Variants in TMEM62 observed in about 807,000 individuals in gnomAD.
TMEM62 encodes the protein transmembrane protein 62.
In TMEM62, 41 loss-of-function variants were observed where a neutral mutation model predicts 70.4. The observed-to-expected ratio is 0.58, with a 90% CI of 0.45 to 0.76. The LOEUF is 0.76. Ranked by LOEUF, TMEM62 falls within the 30% of genes least tolerant of loss-of-function variation. The pLI is 0.00. For synonymous variants in TMEM62, 268 were observed against 291.0 expected, an observed-to-expected ratio of 0.92 and a Z score of 0.80; for missense variants, 688 against 788.5, an observed-to-expected ratio of 0.87 and a Z score of 1.53.
At chr15:43,159,889 T>TA (rs1028520787) in intron 9 of TMEM62, among the ~76,000 whole-genome samples, 3 of 152,118 alleles carry the variant, frequency 2.0e-5, no homozygotes, top group South Asian at 4.1e-4. Flanking sequence ...CAGAGGGAAA[T>TA]AAAAAAATTT....
chr15:43,183,516 C>T (rs1180661759), intron 13 of TMEM62, among the ~76,000 whole-genome samples: 1 of 152,216 alleles, frequency 6.6e-6, no homozygotes, highest in Non-Finnish European at 1.5e-5. Flanking sequence ...TTCCTTCTGC[C>T]TAGAATGCAC....
intron 4 of TMEM62, among the ~76,000 whole-genome samples, chr15:43,140,458 G>C (rs781443674): frequency 6.6e-6 from 1 of 152,058 alleles, no homozygotes; most frequent in Non-Finnish European, 1.5e-5. Context: ...GTCACATTGG[G>C]GTCCCCAAAG....
intron 13 of TMEM62, among the ~76,000 whole-genome samples, chr15:43,181,799 G>A (rs1185569798): frequency 1.3e-5 from 2 of 152,236 alleles, no homozygotes; most frequent in African/African-American, 4.8e-5. Flanking sequence ...ACCATGCCTA[G>A]CCTAAAATAC....
intron 3 of TMEM62, 135 bp from the exon 4 acceptor site, chr15:43,138,439 G>A: frequency 1.5e-6 from 1 of 683,558 alleles, no homozygotes; most frequent in Non-Finnish European, 2.5e-6. Context: ...ATAATAAATG[G>A]AACGGCTCTA....
chr15:43,157,952 T>G (rs1402894229), intron 9 of TMEM62, among the ~76,000 whole-genome samples: 4 of 152,210 alleles, frequency 2.6e-5, no homozygotes, highest in Admixed American at 2.6e-4. Flanking sequence ...ACTTGTCTCT[T>G]TCATCTCTTT....
rs1193482521 is a variant in TMEM62, at chr15:43,133,912, G to T, written c.110G>T (p.Arg37Leu). ...GCGGGCCAGCCCTCGCCGCTGCCGC[G>T]CCCCGCGCCCCCCAGGAGGCCGCAC... ...GLAGQPSPLP[R>L]PAPPRRPHPA... Residue 37 changes from arginine to leucine, a missense_variant, in exon 1 of 14, where the codon CGC becomes CTC. Physicochemically the swap from Arg to Leu is moderately radical, Grantham distance 102. Coordinates refer to ENST00000260403, the MANE Select transcript of TMEM62 (RefSeq NM_024956.4). 3.3e-6 allele frequency: 5 copies of T among 1,493,810 alleles called. 1 individual carries two copies. In the South Asian group the frequency reaches 3.8e-5, roughly 11 times the overall value. 92.5% of individuals were successfully genotyped at this position (1,493,810 alleles called of 1,614,324 possible). A position where few individuals can be genotyped will look rare whatever the true frequency, so the allele number is the denominator to read the frequency against.
chr15:43,139,120 G>A (rs1230383771), intron 4 of TMEM62, among the ~76,000 whole-genome samples: 2 of 152,152 alleles, frequency 1.3e-5, no homozygotes, highest in Non-Finnish European at 2.9e-5. Flanking sequence ...TCCTGTCTCT[G>A]TGTCTCATTT....
intron 5 of TMEM62, among the ~76,000 whole-genome samples, chr15:43,147,806 A>C (rs979886025): frequency 1.3e-5 from 2 of 152,180 alleles, no homozygotes; most frequent in Non-Finnish European, 2.9e-5. Context: ...CATGTACATG[A>C]AAACCAACTG....
intron 10 of TMEM62, among the ~76,000 whole-genome samples, chr15:43,161,354 T>C (rs1315539312): frequency 1.3e-5 from 2 of 152,194 alleles, no homozygotes; most frequent in Admixed American, 1.3e-4. Context: ...TTAGTTATCA[T>C]ATCGAAGGGA....
Position 43,133,802 on chromosome 15 carries a change from C to T in TMEM62, c.-1C>T, listed in dbSNP as rs144183235. The T allele has an allele frequency of 7.7e-3, 10,632 of 1,376,636 alleles. 599 individuals carry two copies. The African/African-American group carries it at 0.12, about 16-fold the overall frequency. 85.3% of individuals were successfully genotyped at this position (1,376,636 alleles called of 1,614,324 possible). On this transcript the variant is annotated 5_prime_UTR_variant, in exon 1 of 14. Transcript: ENST00000260403. ...GGGCCGCGCCCCGGCGGGCGGGCGG[C>T]ATGGCTGCAGTGCTGGCTCTCAGGG... is the stretch of plus-strand genomic sequence containing the variant.
chr15:43,138,739 A>C (rs1156733931), intron 4 of TMEM62, 120 bp downstream of exon 4: 2 of 846,558 alleles, frequency 2.4e-6, no homozygotes, highest in Admixed American at 4.6e-5. Flanking sequence ...GGGTCTCGCT[A>C]TTTTGCCCAG....
In TMEM62 at chr15:43,154,966, G is replaced by A. The variant is rs893947284; in HGVS notation, c.1182+135G>A. 9.1e-5 allele frequency: 71 copies of A among 777,398 alleles called. No homozygotes were observed. The Middle Eastern group carries it at 3.2e-3, about 35-fold the overall frequency. 48.2% of individuals were successfully genotyped at this position (777,398 alleles called of 1,614,324 possible). On this transcript the variant is annotated intron_variant, in intron 9 of 13. Coordinates refer to ENST00000260403, the MANE Select transcript of TMEM62 (RefSeq NM_024956.4). ...CTGGGGGCCGGGCATGGTGGCTCAC[G>A]CCTGTAATCCCAGCACTTTGGGAGG...
chr15:43,148,629 G>A (rs2036966545), intron 5 of TMEM62, 126 bp from the exon 6 acceptor site: 1 of 1,098,572 alleles, frequency 9.1e-7, no homozygotes, highest in African/African-American at 1.6e-5. Context: ...TCATTAACTA[G>A]TAAGGTTTAA....
At chr15:43,167,583 G>A (rs560979405) in intron 10 of TMEM62, among the ~76,000 whole-genome samples, 6 of 150,738 alleles carry the variant, frequency 4.0e-5, no homozygotes, top group South Asian at 2.1e-4. Flanking sequence ...GGGAAGAGGC[G>A]CTCCTCACTT....
chr15:43,181,431 C>T, intron 13 of TMEM62, 132 bp downstream of exon 13: 1 of 664,892 alleles, frequency 1.5e-6, no homozygotes, highest in South Asian at 1.9e-5. Context: ...GCAGGGCAGT[C>T]TTTAATAAAA....
chr15:43,153,596 C>T (rs2037665436), intron 8 of TMEM62, among the ~76,000 whole-genome samples: 1 of 152,074 alleles, frequency 6.6e-6, no homozygotes, highest in Non-Finnish European at 1.5e-5. Context: ...AAGGTTTATA[C>T]ATGTTGTGGC....
chr15:43,160,867 T>C, intron 10 of TMEM62, 73 bp downstream of exon 10: 2 of 727,844 alleles, frequency 2.7e-6, no homozygotes, highest in Non-Finnish European at 4.3e-6. Context: ...TCCTCCCTTA[T>C]CCATGATTTC....
At chr15:43,143,860 T>C (rs1179807985) in intron 4 of TMEM62, among the ~76,000 whole-genome samples, 1 of 152,250 alleles carries the variant, frequency 6.6e-6, no homozygotes, top group African/African-American at 2.4e-5. Context: ...TTCTGCATTG[T>C]CAATCAATCA....
At chr15:43,138,640 C>G (rs1470442259) in intron 4 of TMEM62, 21 bp downstream of exon 4, 1 of 1,574,122 alleles carries the variant, frequency 6.4e-7, no homozygotes, top group Non-Finnish European at 8.7e-7. Flanking sequence ...AAACAGAAGA[C>G]AGACCACTAT....
Sources: gnomAD v4.1 joint callset for allele counts (sites outside exome capture counted in the v4.1 genomes callset) on GRCh38, gnomAD v4.1.1 for gene constraint, MANE v1.5 for transcripts, NCBI Gene and HGNC (gene_info 2026-07-23, HGNC 2026-07-21) for gene names.